GALNT15: variants seen among roughly 807,000 people sequenced by gnomAD.
The protein encoded by GALNT15 is UDP-GalNAc transferase T15.
In GALNT15, 67 loss-of-function variants were observed where a neutral mutation model predicts 66.8. The observed-to-expected ratio is 1.00, with a 90% confidence interval of 0.82 to 1.23. The LOEUF (loss-of-function observed/expected upper bound fraction) is 1.23, where lower values mean the gene tolerates loss of function less well. Ranked by LOEUF, GALNT15 falls within the 50% of genes most tolerant of loss-of-function variation. The pLI, the probability that GALNT15 is intolerant of heterozygous loss-of-function variation, is 0.00. For missense variants in GALNT15, 827 were observed against 804.3 expected (o/e 1.03, Z -0.34); for synonymous variants, 313 against 311.5 (o/e 1.00, Z -0.05).
chr3:16,232,498 ATATATATATATATTTATTT>A (rs2064094187), downstream of GALNT15, among the ~76,000 whole-genome samples: 1 of 87,690 alleles, frequency 1.1e-5, no homozygotes, highest in African/African-American at 4.8e-5. Flanking sequence ...ATATATATAT[ATATATATATATATTTATTT>A]AAAAGAGACA....
In GALNT15 at chr3:16,204,032, AG is replaced by A. The variant is rs1474798810; in HGVS notation, c.911+3212del. On this transcript the variant is annotated intron_variant, in intron 3 of 9. Coordinates refer to ENST00000339732, the MANE Select transcript of GALNT15 (RefSeq NM_054110.5). This position sits in a 1 kb window ranked among gnomAD's most constrained non-coding sequence, Gnocchi z 4.5. ...GGACACAGTGCCCAAAAGACAGAAA[AG>A]GGTCTTTAAGAGCTCTTATAAAAAA... is the stretch of plus-strand genomic sequence containing the variant. Among the ~76,000 whole-genome samples the A allele has an allele frequency of 1.3e-5, 2 of 151,960 alleles. No individual in the cohort carries two copies. Among genetic ancestry groups the A allele is most frequent in the Admixed American group, 1.3e-4 (2 of 15,258 alleles).
At position 16,191,239 on chromosome 3, in the gene GALNT15, C is replaced by A; in HGVS notation, c.540-4521C>A. The A allele has an allele frequency of 1.6e-6, 1 of 631,250 alleles. No homozygotes were observed. The highest frequency in any genetic ancestry group is 2.0e-6 in the Non-Finnish European group (1 of 506,652). The allele number at this position is 631,250 out of a possible 1,614,324, so 39.1% of individuals were successfully genotyped here. On this transcript the variant is annotated intron_variant, in intron 1 of 9. Transcript: ENST00000339732. This position sits in a 1 kb window ranked among gnomAD's most constrained non-coding sequence, Gnocchi z 5.2. Reference sequence around the variant, plus strand: ...ATGCTTGCTGTCCTTATTTTTCTGCCTCCTTCTTCCTCCTGCTGCGGGAAG... The same window carrying A: ...ATGCTTGCTGTCCTTATTTTTCTGCATCCTTCTTCCTCCTGCTGCGGGAAG...
rs2064032863 is a variant in GALNT15 at position 16,227,394 on chromosome 3, A to G, written c.1814A>G (p.Glu605Gly). 3.1e-6 allele frequency: 5 copies of G among 1,614,076 alleles called. No individual in the cohort carries two copies. The highest frequency in any genetic ancestry group is 3.4e-6 in the Non-Finnish European group (4 of 1,179,992). ...IVHILSGKCMEAVVQENNKDL... is the reference protein window; with the variant it reads ...IVHILSGKCMGAVVQENNKDL... ...CACATTCTTTCTGGGAAATGCATGG[A>G]AGCTGTGGTGCAAGAAAACAATAAA... The change falls in exon 10 of 10, where the codon GAA (glutamate) becomes GGA (glycine). Residue 605 changes from glutamate to glycine, a missense_variant. Coordinates refer to ENST00000339732, the MANE Select transcript of GALNT15 (RefSeq NM_054110.5). The surrounding 1 kb of genome is among the most constrained non-coding windows in gnomAD (Gnocchi z 4.5).
At chr3:16,235,911 A>G (rs552355347), downstream of GALNT15, among the ~76,000 whole-genome samples, 41 of 151,838 alleles carry the variant, frequency 2.7e-4, no homozygotes, top group African/African-American at 7.5e-4. Context: ...TCGAGACCAG[A>G]CTGGACAAAA....
downstream of GALNT15, among the ~76,000 whole-genome samples, chr3:16,236,659 CA>C (rs1172221418): frequency 6.6e-5 from 10 of 152,016 alleles, no homozygotes; most frequent in African/African-American, 9.6e-5. Context: ...CAAAAAATAA[CA>C]AAAAAAGAGG....
chr3:16,216,660 C>G (rs562447602), intron 6 of GALNT15, among the ~76,000 whole-genome samples: 1 of 152,312 alleles, frequency 6.6e-6, no homozygotes, highest in East Asian at 1.9e-4. Context: ...CCCTTTTTCC[C>G]TGATTCTTCC....
chr3:16,197,569 A>G (rs2063652096), intron 2 of GALNT15, among the ~76,000 whole-genome samples: 1 of 152,164 alleles, frequency 6.6e-6, no homozygotes, highest in Non-Finnish European at 1.5e-5. Context: ...AGGAAAACTG[A>G]GACAGAAAAA....
Position 16,211,037 on chromosome 3 carries a change from C to T in GALNT15, c.1080-87C>T. On this transcript the variant is annotated intron_variant, in intron 4 of 9. Transcript: ENST00000339732. This position sits in a 1 kb window ranked among gnomAD's most constrained non-coding sequence, Gnocchi z 4.3. ...AAGCCTGTTCTCTCAGCCACTGGAG[C>T]TCCCACCTGGGAAGCCCCAGCCCCC... 8 of 900,088 alleles carry T rather than the reference C, an allele frequency of 8.9e-6. No homozygotes were observed. The highest frequency in any genetic ancestry group is 1.7e-5 in the African/African-American group (1 of 60,526). 55.8% of individuals were successfully genotyped at this position (900,088 alleles called of 1,614,324 possible). A position where few individuals can be genotyped will look rare whatever the true frequency, so the allele number is the denominator to read the frequency against.
chr3:16,178,988 G>C (rs1268717759), intron 1 of GALNT15, among the ~76,000 whole-genome samples: 1 of 152,148 alleles, frequency 6.6e-6, no homozygotes, highest in Non-Finnish European at 1.5e-5. Context: ...TTTCCCCCCT[G>C]CCCAGGCCAC....
intron 1 of GALNT15, among the ~76,000 whole-genome samples, chr3:16,185,748 CAGATAGAT>C (rs56684049): frequency 0.28 from 40,888 of 148,150 alleles, 5,534 homozygotes; most frequent in East Asian, 0.37. Flanking sequence ...GATAGACAGA[CAGATAGAT>C]AGATAGATAG....
chr3:16,193,890 G>A lies in GALNT15; in HGVS notation c.540-1870G>A, dbSNP rs867578784. On this transcript the variant is annotated intron_variant, in intron 1 of 9. Coordinates refer to ENST00000339732, the MANE Select transcript of GALNT15 (RefSeq NM_054110.5). The surrounding 1 kb of genome is among the most constrained non-coding windows in gnomAD (Gnocchi z 4.7). Reference sequence around the variant, plus strand: ...CACGTTAAGAAAGTGCCTTTTGTAAGCAAGTGTGAGCTATATACTGCTCCA... The same window carrying A: ...CACGTTAAGAAAGTGCCTTTTGTAAACAAGTGTGAGCTATATACTGCTCCA... 2.6e-5 allele frequency among the ~76,000 whole-genome samples: 4 copies of A among 152,182 alleles called. No homozygotes were observed. The highest frequency in any genetic ancestry group is 5.9e-5 in the Non-Finnish European group (4 of 68,034).
In GALNT15 at chr3:16,224,362, C is replaced by T. The variant is rs926658559; in HGVS notation, c.1773+1604C>T. 1.3e-5 allele frequency among the ~76,000 whole-genome samples: 2 copies of T among 152,148 alleles called. No individual in the cohort carries two copies. Among genetic ancestry groups the T allele is most frequent in the Non-Finnish European group, 2.9e-5 (2 of 68,038 alleles). On this transcript the variant is annotated intron_variant, in intron 9 of 9. Coordinates refer to ENST00000339732, the MANE Select transcript of GALNT15 (RefSeq NM_054110.5). This position sits in a 1 kb window ranked among gnomAD's most constrained non-coding sequence, Gnocchi z 5.2. Reference sequence around the variant, plus strand: ...AAGAAAATCCCATCACCTGCTACAACATGGGCATATCTTGAGGACATTATG... The same window carrying T: ...AAGAAAATCCCATCACCTGCTACAATATGGGCATATCTTGAGGACATTATG...
chr3:16,243,686 G>T, the GALNT15 span, among the ~76,000 whole-genome samples: 3 of 152,212 alleles, frequency 2.0e-5, no homozygotes, highest in South Asian at 6.2e-4. Flanking sequence ...GGGAAGCATG[G>T]TCTTGCTAGG....
chr3:16,234,158 A>G (rs1335470471), downstream of GALNT15, among the ~76,000 whole-genome samples: 1 of 152,230 alleles, frequency 6.6e-6, no homozygotes. Flanking sequence ...AAGTTAAAGC[A>G]TGCATAACTA....
At chr3:16,248,122 T>C in the GALNT15 span, among the ~76,000 whole-genome samples, 2 of 152,106 alleles carry the variant, frequency 1.3e-5, no homozygotes, top group African/African-American at 4.8e-5. The surrounding 1 kb of genome is among the most constrained non-coding windows in gnomAD (Gnocchi z 4.9). Flanking sequence ...TTCAAGCTAC[T>C]GTTCACTGCC....
At chr3:16,235,903 G>A (rs375738514), downstream of GALNT15, among the ~76,000 whole-genome samples, 7 of 151,902 alleles carry the variant, frequency 4.6e-5, no homozygotes, top group East Asian at 5.8e-4. Flanking sequence ...TCAGGAGTTC[G>A]AGACCAGACT....
rs1209294477 is a variant in GALNT15 at position 16,195,178 on chromosome 3, A to G, written c.540-582A>G. 2.0e-5 allele frequency among the ~76,000 whole-genome samples: 3 copies of G among 152,206 alleles called. No homozygotes were observed. The highest frequency in any genetic ancestry group is 7.2e-5 in the African/African-American group (3 of 41,460). ...AGCCTCGGGGAGTCCTGATCTTCCC[A>G]GAAGGCCAGGAGGGGTGTCCCTAGG... is the stretch of plus-strand genomic sequence containing the variant. On this transcript the variant is annotated intron_variant, in intron 1 of 9. Transcript: ENST00000339732. The surrounding 1 kb of genome is among the most constrained non-coding windows in gnomAD (Gnocchi z 4.6).
chr3:16,195,699 G>T lies in GALNT15; in HGVS notation c.540-61G>T, dbSNP rs12330395. On this transcript the variant is annotated intron_variant, in intron 1 of 9. Transcript: ENST00000339732. The surrounding 1 kb of genome is among the most constrained non-coding windows in gnomAD (Gnocchi z 4.6). ...CCAGAGCAAAGGAAGCGAGTTAGAG[G>T]GTGTGGAGTGTTTCTTGTGGCCTTC... 3.1e-3 allele frequency: 4,593 copies of T among 1,477,972 alleles called. 110 individuals are homozygous for T. The African/African-American group carries it at 0.053, about 17-fold the overall frequency. The allele number at this position is 1,477,972 out of a possible 1,614,324, so 91.6% of individuals were successfully genotyped here. A position where few individuals can be genotyped will look rare whatever the true frequency, so the allele number is the denominator to read the frequency against.
Position 16,228,418 on chromosome 3 carries a change from A to G in GALNT15, c.*918A>G. 1 of 838,162 alleles carries G rather than the reference A, an allele frequency of 1.2e-6. No individual in the cohort carries two copies. The highest frequency in any genetic ancestry group is 1.8e-5 in the African/African-American group (1 of 54,338). The allele number at this position is 838,162 out of a possible 1,614,324, so 51.9% of individuals were successfully genotyped here. ...CACTTTGGGAGGCAGAGTTGGGAGG[A>G]TCACCTGATGTCAGGGGTTTGAGAC... On this transcript the variant is annotated 3_prime_UTR_variant, in exon 10 of 10. Coordinates refer to ENST00000339732, the MANE Select transcript of GALNT15 (RefSeq NM_054110.5).
Sources: gnomAD v4.1 joint callset for allele counts (sites outside exome capture counted in the v4.1 genomes callset) on GRCh38, gnomAD v4.1.1 for gene constraint, Gnocchi (gnomAD v3.1) non-coding constraint, MANE v1.5 for transcripts, NCBI Gene and HGNC (gene_info 2026-07-23, HGNC 2026-07-21) for gene names.